Variants in CD4 observed in about 807,000 individuals in gnomAD.
CD4 encodes CD4 molecule.
CD4 carries 25 observed loss-of-function variants against 50.5 expected under a neutral mutation model. The observed-to-expected ratio is 0.49, with a 90% CI of 0.36 to 0.69. The LOEUF (loss-of-function observed/expected upper bound fraction) is 0.69, where lower values mean the gene tolerates loss of function less well. CD4 is among the 30% of genes least tolerant of loss of function. The probability of loss-of-function intolerance (pLI) is 0.00; values close to 1 mark genes in which losing one functional copy is unlikely to be tolerated. For synonymous variants in CD4, 207 were observed against 221.9 expected, an observed-to-expected ratio of 0.93 and a Z score of 0.60; for missense variants, 456 against 548.5, an observed-to-expected ratio of 0.83 and a Z score of 1.68.
chr12:6,810,393 T>C (rs540469039), intron 3 of CD4, among the ~76,000 whole-genome samples: 2 of 152,210 alleles, frequency 1.3e-5, no homozygotes, highest in Non-Finnish European at 2.9e-5. Flanking sequence ...ATACATTTCA[T>C]TTTGAACCAA....
intron 3 of CD4, among the ~76,000 whole-genome samples, chr12:6,808,993 C>T (rs1455219050): frequency 1.3e-5 from 2 of 152,068 alleles, no homozygotes; most frequent in Admixed American, 6.6e-5. Flanking sequence ...TCCAAAAATT[C>T]TTAAGTCTTT....
At chr12:6,799,819 T>C (rs1942481639) in intron 1 of CD4, among the ~76,000 whole-genome samples, 1 of 152,104 alleles carries the variant, frequency 6.6e-6, no homozygotes, top group African/African-American at 2.4e-5. Flanking sequence ...TCCTAACTGG[T>C]TTGGTTTGGA....
rs3032789 is a variant in CD4 at position 6,808,450 on chromosome 12, C to CAAAAAAAAA, written c.215-5668_215-5660dup. On this transcript the variant is annotated intron_variant, in intron 3 of 9. Coordinates refer to ENST00000011653, the MANE Select transcript of CD4 (RefSeq NM_000616.5). ...TGGGTGACAAAGTGAGATTCTGTCTCAAAAAAAAAAAAAAAAAAAAAAAAA... is the reference window on the plus strand; with the variant it reads ...TGGGTGACAAAGTGAGATTCTGTCTCAAAAAAAAAAAAAAAAAAAAAAAAAAAAAAAAAA... Among the ~76,000 whole-genome samples the CAAAAAAAAA allele has an allele frequency of 9.0e-4, 34 of 37,798 alleles. 3 individuals are homozygous for CAAAAAAAAA. Among genetic ancestry groups the CAAAAAAAAA allele is most frequent in the East Asian group, 2.5e-3 (4 of 1,576 alleles). 24.8% of individuals were successfully genotyped at this position (37,798 alleles called of 152,430 possible). A position where few individuals can be genotyped will look rare whatever the true frequency, so the allele number is the denominator to read the frequency against.
In CD4 at chr12:6,814,068, G is replaced by A. The variant is rs781807394; in HGVS notation, c.215-74G>A. On this transcript the variant is annotated intron_variant, in intron 3 of 9. Coordinates refer to ENST00000011653, the MANE Select transcript of CD4 (RefSeq NM_000616.5). ...ATTAGCAACTGATATCAGAAGAGCC[G>A]TGGGCATTCTCTTGCCAGAGGTGCC... The A allele has an allele frequency of 2.7e-4, 347 of 1,298,248 alleles. 5 individuals are homozygous for A. In the South Asian group the frequency reaches 4.1e-3, roughly 15 times the overall value. The allele number at this position is 1,298,248 out of a possible 1,614,324, so 80.4% of individuals were successfully genotyped here.
At chr12:6,790,203 C>G (rs1318173373) in intron 1 of CD4, among the ~76,000 whole-genome samples, 1 of 1,896 alleles carries the variant, frequency 5.3e-4, no homozygotes, top group African/African-American at 5.7e-3. Context: ...TCTTGCAAAA[C>G]CAATTTTCCT....
intron 4 of CD4, 117 bp downstream of exon 4, chr12:6,814,417 AG>A: frequency 8.9e-7 from 1 of 1,120,006 alleles, no homozygotes; most frequent in Non-Finnish European, 1.3e-6. Flanking sequence ...CAAGAGGACC[AG>A]GCTGTCAAAC....
intron 3 of CD4, among the ~76,000 whole-genome samples, chr12:6,807,071 G>T (rs1555116294): frequency 6.6e-6 from 1 of 152,118 alleles, no homozygotes; most frequent in Non-Finnish European, 1.5e-5. Flanking sequence ...GGAGGCTGAG[G>T]CAGGAGAATG....
At chr12:6,809,246 A>G (rs1942860916) in intron 3 of CD4, among the ~76,000 whole-genome samples, 1 of 152,116 alleles carries the variant, frequency 6.6e-6, no homozygotes, top group Non-Finnish European at 1.5e-5. Context: ...TTGTAATCCT[A>G]GCACTTTGGG....
chr12:6,817,720 G>GCA (rs1943119733), intron 7 of CD4, among the ~76,000 whole-genome samples: 1 of 144,804 alleles, frequency 6.9e-6, no homozygotes, highest in South Asian at 2.2e-4. Flanking sequence ...TCTCACACAC[G>GCA]CACACACATC....
chr12:6,791,570 A>C (rs1324075519), intron 1 of CD4, among the ~76,000 whole-genome samples: 2 of 152,130 alleles, frequency 1.3e-5, no homozygotes, highest in African/African-American at 4.8e-5. Context: ...ACACTCAATA[A>C]ATGTTTGTTG....
At chr12:6,805,124 G>T (rs1942689462) in intron 3 of CD4, among the ~76,000 whole-genome samples, 1 of 145,518 alleles carries the variant, frequency 6.9e-6, no homozygotes. Flanking sequence ...GGGCAAGGCT[G>T]CAGTGAGCCA....
At chr12:6,805,052 T>C (rs1161933528) in intron 3 of CD4, among the ~76,000 whole-genome samples, 15 of 141,036 alleles carry the variant, frequency 1.1e-4, no homozygotes, top group African/African-American at 4.0e-4. Context: ...AGCATTATGG[T>C]GTATGCCTGT....
Position 6,818,386 on chromosome 12 carries a change from G to C in CD4, c.1157-35G>C. The C allele has an allele frequency of 1.2e-6, 2 of 1,609,728 alleles. No homozygotes were observed. On this transcript the variant is annotated intron_variant, in intron 7 of 9. Transcript: ENST00000011653. This position sits in a 1 kb window ranked among gnomAD's most constrained non-coding sequence, Gnocchi z 5.0. Reference sequence around the variant, plus strand: ...CCTCAGTCCCCTGGCCCGTGGAGGAGGGCGGTGCATTGAGCACATTTCTCT... The same window carrying C: ...CCTCAGTCCCCTGGCCCGTGGAGGACGGCGGTGCATTGAGCACATTTCTCT...
chr12:6,793,979 T>TATC (rs1555114047), intron 1 of CD4, among the ~76,000 whole-genome samples: 1 of 151,484 alleles, frequency 6.6e-6, no homozygotes, highest in African/African-American at 2.4e-5. Flanking sequence ...TATATCTATC[T>TATC]ATCTATCTAT....
intron 3 of CD4, among the ~76,000 whole-genome samples, chr12:6,803,524 C>T (rs1942625207): frequency 6.6e-6 from 1 of 151,590 alleles, no homozygotes; most frequent in South Asian, 2.1e-4. Flanking sequence ...GTGGCTCACG[C>T]CTGTAATCCC....
In CD4 at chr12:6,818,458, C is replaced by T. The variant is rs1943166627; in HGVS notation, c.1194C>T (p.Ala398=). The change falls in exon 8 of 10, where the codon GCC becomes GCT. Residue 398 remains alanine, a synonymous_variant. Coordinates refer to ENST00000011653, the MANE Select transcript of CD4 (RefSeq NM_000616.5). This position sits in a 1 kb window ranked among gnomAD's most constrained non-coding sequence, Gnocchi z 5.0. ...GGTCCACCCCGGTGCAGCCAATGGC[C>T]CTGATTGTGCTGGGGGGCGTCGCCG... is the stretch of plus-strand genomic sequence containing the variant. ...PTWSTPVQPM[A]LIVLGGVAGL... 6.2e-7 allele frequency: 1 copy of T among 1,612,942 alleles called. No homozygotes were observed. Among genetic ancestry groups the T allele is most frequent in the South Asian group, 1.1e-5 (1 of 91,074 alleles).
chr12:6,804,082 G>A (rs1386755531), intron 3 of CD4, among the ~76,000 whole-genome samples: 1 of 151,082 alleles, frequency 6.6e-6, no homozygotes, highest in Non-Finnish European at 1.5e-5. Context: ...CTACACTCCA[G>A]CCTAGGCGAC....
At position 6,820,691 on chromosome 12, in the gene CD4, C is replaced by T. The variant is rs1943245232; in HGVS notation, c.*1362C>T. 2 of 152,508 alleles carry T rather than the reference C, an allele frequency of 1.3e-5. No individual in the cohort carries two copies. The highest frequency in any genetic ancestry group is 1.9e-4 in the East Asian group (1 of 5,182). 9.4% of individuals were successfully genotyped at this position (152,508 alleles called of 1,614,324 possible). ...TCCTGTCTTTAAAGCCTGCCTCTTC[C>T]AGGAAGACCCCCCTATTGCTGCTGG... On this transcript the variant is annotated 3_prime_UTR_variant, in exon 10 of 10. Transcript: ENST00000011653.
chr12:6,815,894 G>C, intron 5 of CD4, 162 bp from the exon 6 acceptor site: 3 of 1,522,440 alleles, frequency 2.0e-6, no homozygotes, highest in Non-Finnish European at 1.8e-6. Context: ...GGGAGAGAAG[G>C]CTGGAGAGGT....
Sources: gnomAD v4.1 joint callset for allele counts (sites outside exome capture counted in the v4.1 genomes callset) on GRCh38, gnomAD v4.1.1 for gene constraint, Gnocchi (gnomAD v3.1) non-coding constraint, MANE v1.5 for transcripts, NCBI Gene and HGNC (gene_info 2026-07-23, HGNC 2026-07-21) for gene names.